The following MRC2 variants were observed in gnomAD, a reference collection of about 807,000 sequenced individuals.
MRC2 encodes the protein C-type mannose receptor 2.
MRC2 carries 84 observed loss-of-function variants against 206.2 expected under a neutral mutation model. The ratio of observed to expected loss-of-function variants is 0.41; its 90% CI spans 0.34 to 0.49. The LOEUF is 0.49. Ranked by LOEUF, MRC2 falls within the 20% of genes least tolerant of loss-of-function variation. The pLI is 0.31. For missense variants in MRC2, 1,676 were observed against 2,001.5 expected, an observed-to-expected ratio of 0.84 and a Z score of 3.10; for synonymous variants, 798 against 800.0, an observed-to-expected ratio of 1.00 and a Z score of 0.04.
chr17:62,668,513 G>A (rs1233103871), intron 6 of MRC2, among the ~76,000 whole-genome samples: 3 of 152,100 alleles, frequency 2.0e-5, no homozygotes, highest in African/African-American at 4.8e-5. Context: ...CATCCCCGGA[G>A]GGCTTGTTAG....
chr17:62,643,367 A>G (rs1418965595), intron 1 of MRC2, among the ~76,000 whole-genome samples: 2 of 151,864 alleles, frequency 1.3e-5, no homozygotes, highest in African/African-American at 4.8e-5. Flanking sequence ...AAGAAAAAAG[A>G]AAATACCAAA....
At chr17:62,659,215 A>G (rs949614400) in intron 1 of MRC2, among the ~76,000 whole-genome samples, 7 of 152,118 alleles carry the variant, frequency 4.6e-5, no homozygotes, top group African/African-American at 1.7e-4. Flanking sequence ...CAAAGGTCTC[A>G]CATCCTAATG....
At chr17:62,668,362 ATAAATAAATAAATAAATAAATAAATTT>A (rs2088783481) in intron 6 of MRC2, among the ~76,000 whole-genome samples, 1 of 140,658 alleles carries the variant, frequency 7.1e-6, no homozygotes, top group African/African-American at 2.7e-5. Context: ...GCCTCAAAAA[ATAAATAAATAAATAAATAAATAAATTT>A]AAAAAAAAAA....
chr17:62,679,693 C>A, intron 13 of MRC2, 107 bp from the exon 14 acceptor site: 2 of 1,015,636 alleles, frequency 2.0e-6, no homozygotes, highest in South Asian at 1.6e-5. Flanking sequence ...AGGCCCCAGG[C>A]CCTGGGGGCT....
rs758524635 is a variant in MRC2, at chr17:62,682,231, G to A, written c.2804-4G>A. 8.9e-6 allele frequency: 14 copies of A among 1,576,870 alleles called. No individual in the cohort carries two copies. Among genetic ancestry groups the A allele is most frequent in the African/African-American group, 4.1e-5 (3 of 73,684 alleles). The stretch of plus-strand genomic sequence containing the variant: ...GTGACTGCCCTCCCCTCCCCTTTCC[G>A]CAGAGGACTGGGGGGACCAGAGGTG... On this transcript the variant is annotated splice_polypyrimidine_tract_variant and splice_region_variant and intron_variant, in intron 19 of 29. Coordinates refer to ENST00000303375, the MANE Select transcript of MRC2 (RefSeq NM_006039.5).
rs761562473 is a variant in MRC2, at chr17:62,692,122, C to T, written c.4203C>T (p.Ser1401=). Residue 1401 remains serine, a synonymous_variant, in exon 29 of 30, where the codon AGC becomes AGT. Coordinates refer to ENST00000303375, the MANE Select transcript of MRC2 (RefSeq NM_006039.5). The surrounding 1 kb of genome is among the most constrained non-coding windows in gnomAD (Gnocchi z 4.2). The part of the protein sequence containing the change: ...VVCKLPRAEQ[S]SFSPSALPEN... ...TCCTCTTGCCCACAGCTGAGCAGAG[C>T]AGCTTCTCCCCATCAGGTGAGTGAA... The T allele has an allele frequency of 1.3e-5, 21 of 1,614,138 alleles. No homozygotes were observed. Among genetic ancestry groups the T allele is most frequent in the Non-Finnish European group, 1.7e-5 (20 of 1,180,062 alleles).
At chr17:62,636,461 A>ATTTTTT (rs60774612) in intron 1 of MRC2, among the ~76,000 whole-genome samples, 6 of 76,934 alleles carry the variant, frequency 7.8e-5, no homozygotes, top group Non-Finnish European at 9.6e-5. Context: ...TAATCTTCTG[A>ATTTTTT]TTTTTTTTTT....
chr17:62,681,377 TA>T (rs2088964665), intron 18 of MRC2: 1 of 569,392 alleles, frequency 1.8e-6, no homozygotes, highest in South Asian at 2.2e-5. Context: ...TCCAGCACAT[TA>T]GTTACTAAAT....
intron 1 of MRC2, among the ~76,000 whole-genome samples, chr17:62,654,525 G>A (rs548602512): frequency 6.6e-6 from 1 of 152,152 alleles, no homozygotes; most frequent in African/African-American, 2.4e-5. Context: ...GAGAGCAGCC[G>A]TCTTATCTGA....
chr17:62,655,194 G>C (rs1227930834), intron 1 of MRC2, among the ~76,000 whole-genome samples: 1 of 151,242 alleles, frequency 6.6e-6, no homozygotes, highest in Non-Finnish European at 1.5e-5. Context: ...GCTGAGGCAG[G>C]AGAATGGCAT....
chr17:62,660,729 T>G (rs149232985), intron 1 of MRC2, among the ~76,000 whole-genome samples: 202 of 152,310 alleles, frequency 1.3e-3, no homozygotes, highest in Admixed American at 2.2e-3. Context: ...AGAGGAAGAT[T>G]TTTTTAAAAT....
rs771141398 is a variant in MRC2 at position 62,681,068 on chromosome 17, C to G, written c.2641C>G (p.Arg881Gly). ...FLSHNLQKFS[R>G]AQEQHWWIGL... ...GCCCGCCTGGCTTCTCCAGTTCTCC[C>G]GGGCCCAGGAGCAGCACTGGTGGAT... The change falls in exon 18 of 30, where the codon CGG (arginine) becomes GGG (glycine). Residue 881 changes from arginine to glycine, a missense_variant. This residue lies in a region of MRC2 where 1,354 missense variants were observed against 1,636.6 expected (regional missense o/e 0.83). Transcript: ENST00000303375. 1.9e-6 allele frequency: 3 copies of G among 1,613,520 alleles called. No individual in the cohort carries two copies. In the South Asian group the frequency reaches 3.3e-5, roughly 18 times the overall value.
chr17:62,677,565 G>A (rs1437821751), intron 12 of MRC2, 79 bp downstream of exon 12: 3 of 1,294,516 alleles, frequency 2.3e-6, no homozygotes, highest in Non-Finnish European at 2.1e-6. Flanking sequence ...GTCCCAGTGG[G>A]ACCAGCCACA....
At chr17:62,639,310 C>T (rs1427425453) in intron 1 of MRC2, among the ~76,000 whole-genome samples, 1 of 151,778 alleles carries the variant, frequency 6.6e-6, no homozygotes, top group Non-Finnish European at 1.5e-5. Context: ...TGCCACTGCA[C>T]TCCAGCCTAG....
chr17:62,655,210 CCAG>C (rs2088602646), intron 1 of MRC2, among the ~76,000 whole-genome samples: 3 of 149,132 alleles, frequency 2.0e-5, no homozygotes, highest in East Asian at 2.0e-4. Context: ...GGCATGAACC[CCAG>C]GGGTGGAGCC....
intron 6 of MRC2, among the ~76,000 whole-genome samples, chr17:62,669,521 A>G (rs990012188): frequency 1.3e-5 from 2 of 149,732 alleles, no homozygotes; most frequent in African/African-American, 4.9e-5. Context: ...CCGCCTTTTT[A>G]TTTTTATTTT....
At chr17:62,678,463 C>T in intron 12 of MRC2, 41 bp from the exon 13 acceptor site, 5 of 1,595,764 alleles carry the variant, frequency 3.1e-6, no homozygotes, top group Non-Finnish European at 4.3e-6. Flanking sequence ...GAGGGGTGGG[C>T]CAGTGGGGAC....
rs745647880 is a variant in MRC2, at chr17:62,688,890, C to T, written c.3264C>T (p.His1088=). Residue 1088 remains histidine (H), a synonymous_variant, in exon 23 of 30, where the codon CAC becomes CAT. Coordinates refer to ENST00000303375, the MANE Select transcript of MRC2 (RefSeq NM_006039.5). ...CAVVLHSPSA[H]FTGRWDDRSC... is the part of the protein sequence containing the mutation. The stretch of plus-strand genomic sequence containing the variant: ...TGGTCCTGCACAGCCCCTCAGCCCA[C>T]TTCACTGGCCGCTGGGACGATCGGA... The T allele has an allele frequency of 1.2e-6, 2 of 1,613,586 alleles. No individual in the cohort carries two copies. The highest frequency in any genetic ancestry group is 2.2e-5 in the East Asian group (1 of 44,866).
chr17:62,678,756 G>C, intron 13 of MRC2, 110 bp downstream of exon 13: 1 of 1,499,026 alleles, frequency 6.7e-7, no homozygotes, highest in South Asian at 1.2e-5. Flanking sequence ...GGCAGAATGT[G>C]GGTGACCCCA....
Sources: allele counts gnomAD v4.1 joint callset (sites outside exome capture counted in the v4.1 genomes callset), GRCh38; gene constraint gnomAD v4.1.1; regional missense constraint gnomAD v4.1.1; non-coding constraint Gnocchi (gnomAD v3.1); transcripts MANE v1.5; gene names NCBI Gene and HGNC (gene_info 2026-07-23, HGNC 2026-07-21).